Variants in TRMT1L observed in about 807,000 individuals in gnomAD.
TRMT1L encodes the protein tRNA methyltransferase 1L.
Under a neutral mutation model 81.6 loss-of-function variants are expected in TRMT1L, and 28 were observed. That is an observed-to-expected ratio of 0.34 (90% CI 0.25 to 0.47). TRMT1L has a LOEUF of 0.47. Among genes scored for constraint, TRMT1L ranks in the 20% least tolerant of loss-of-function variants. The pLI, the probability that TRMT1L is intolerant of heterozygous loss-of-function variation, is 1.00. For missense variants in TRMT1L, 739 were observed against 877.1 expected (o/e 0.84, Z 1.99); for synonymous variants, 301 against 303.2 (o/e 0.99, Z 0.07).
At chr1:185,147,129 CT>C in intron 4 of TRMT1L, 52 bp downstream of exon 4, 2 of 1,312,250 alleles carry the variant, frequency 1.5e-6, no homozygotes, top group South Asian at 2.6e-5. Flanking sequence ...AAAAATTATG[CT>C]TTCTTTAAAA....
chr1:185,156,152 T>A (rs1292923997), intron 1 of TRMT1L, among the ~76,000 whole-genome samples: 1 of 152,336 alleles, frequency 6.6e-6, no homozygotes, highest in South Asian at 2.1e-4. Context: ...TGCGGGAAAC[T>A]ACCAAATTAT....
At chr1:185,143,309 T>C (rs371886533) in intron 7 of TRMT1L, 48 bp downstream of exon 7, 2 of 1,498,242 alleles carry the variant, frequency 1.3e-6, no homozygotes, top group African/African-American at 1.4e-5. Context: ...AAAAATACTG[T>C]AAAATTGAAT....
At chr1:185,127,969 C>G (rs937440716) in intron 11 of TRMT1L, among the ~76,000 whole-genome samples, 1 of 151,760 alleles carries the variant, frequency 6.6e-6, no homozygotes, top group African/African-American at 2.4e-5. Flanking sequence ...CAAAAATCAG[C>G]CAGGTGTTGT....
chr1:185,134,268 T>A (rs569509443), intron 10 of TRMT1L, among the ~76,000 whole-genome samples: 1 of 152,258 alleles, frequency 6.6e-6, no homozygotes, highest in East Asian at 1.9e-4. Context: ...CTGCAACCTC[T>A]GCCTCCTGGG....
At position 185,127,880 on chromosome 1, in the gene TRMT1L, G is replaced by C. The variant is rs570947382; in HGVS notation, c.1592+789C>G. ...TGTAATCCTAGTACTTTGGGAGGCT[G>C]AGCCAGGCAGATCACCTGAGATCAG... On this transcript the variant is annotated intron_variant, in intron 11 of 14. Transcript: ENST00000367506. 2.6e-5 allele frequency among the ~76,000 whole-genome samples: 4 copies of C among 152,074 alleles called. No homozygotes were observed. The South Asian group carries it at 8.3e-4, about 32-fold the overall frequency.
intron 11 of TRMT1L, among the ~76,000 whole-genome samples, chr1:185,126,434 A>T (rs1183902687): frequency 6.6e-6 from 1 of 152,162 alleles, no homozygotes; most frequent in Non-Finnish European, 1.5e-5. Context: ...TGCTGGGATT[A>T]CAGGCATGAA....
In TRMT1L at chr1:185,140,186, T is replaced by C. The variant is rs1307689602; in HGVS notation, c.896A>G (p.Asn299Ser). 1.2e-6 allele frequency: 2 copies of C among 1,613,616 alleles called. No individual in the cohort carries two copies. The highest frequency in any genetic ancestry group is 2.2e-5 in the East Asian group (1 of 44,786). The change falls in exon 8 of 15, where the codon AAT (asparagine) becomes AGT (serine). Residue 299 changes from asparagine (N) to serine (S), a missense_variant. By Grantham distance (46) the Asn-to-Ser change is conservative. Transcript: ENST00000367506. ...MGLQWAKHLG[N>S]AVKVTINDLN... is the part of the protein sequence containing the mutation. ...GTCATTGATTGTAACTTTGACTGCATTTCCAAGATGTTTTGCCCACTGTAA... is the reference window on the plus strand; with the variant it reads ...GTCATTGATTGTAACTTTGACTGCACTTCCAAGATGTTTTGCCCACTGTAA...
At chr1:185,147,993 C>A (rs1270859113) in intron 3 of TRMT1L, among the ~76,000 whole-genome samples, 1 of 152,156 alleles carries the variant, frequency 6.6e-6, no homozygotes, top group Non-Finnish European at 1.5e-5. Context: ...TAATGCCTTA[C>A]AGTTGCTCTT....
In TRMT1L at chr1:185,128,719, G is replaced by C. The variant is rs1201099038; in HGVS notation, c.1542C>G (p.Asn514Lys). Residue 514 changes from asparagine to lysine, a missense_variant, in exon 11 of 15, where the codon AAC becomes AAG. Transcript: ENST00000367506. ...TCTTTCCAGGCATGCTTCCATGACA[G>C]TTACAAGGCAGCTGTCTATATGGGT... is the stretch of plus-strand genomic sequence containing the variant. ...EENPYRQLPC[N>K]CHGSMPGKTA... is the part of the protein sequence containing the mutation. The C allele has an allele frequency of 6.2e-7, 1 of 1,609,730 alleles. No homozygotes were observed. Among genetic ancestry groups the C allele is most frequent in the East Asian group, 2.2e-5 (1 of 44,592 alleles).
chr1:185,136,386 T>G (rs150999409), intron 10 of TRMT1L, among the ~76,000 whole-genome samples: 32 of 151,946 alleles, frequency 2.1e-4, no homozygotes, highest in African/African-American at 7.5e-4. Flanking sequence ...CCAGCCTGGA[T>G]AGAAGACAGA....
chr1:185,122,652 C>T (rs983141705), intron 13 of TRMT1L, among the ~76,000 whole-genome samples: 33 of 151,018 alleles, frequency 2.2e-4, no homozygotes, highest in Admixed American at 5.3e-4. Flanking sequence ...TATATAACAA[C>T]GCCTGCATAG....
chr1:185,140,316 T>G, intron 7 of TRMT1L, 94 bp from the exon 8 acceptor site: 1 of 1,048,538 alleles, frequency 9.5e-7, no homozygotes, highest in Non-Finnish European at 1.3e-6. Context: ...AAATAACAAA[T>G]TATTTCAAAA....
intron 13 of TRMT1L, 40 bp downstream of exon 13, chr1:185,123,817 C>A (rs1376063240): frequency 7.8e-7 from 1 of 1,275,548 alleles, no homozygotes; most frequent in Non-Finnish European, 1.1e-6. Flanking sequence ...GCCTTTTTGA[C>A]CTGATATGTA....
chr1:185,145,441 G>C lies in TRMT1L; in HGVS notation c.653C>G (p.Ala218Gly). Reference sequence around the variant, plus strand: ...GTTAATGAGATTGCTCAACTTACCTGCAATATAACTAGATTTAGTCTCTCC... The same window carrying C: ...GTTAATGAGATTGCTCAACTTACCTCCAATATAACTAGATTTAGTCTCTCC... ...NKGETKSSYI[A>G]ASTAKPPKEI... Residue 218 changes from alanine (A) to glycine (G), a missense_variant and splice_region_variant, in exon 5 of 15, where the codon GCA (alanine) becomes GGA (glycine). Coordinates refer to ENST00000367506, the MANE Select transcript of TRMT1L (RefSeq NM_030934.5). 1 of 1,608,366 alleles carries C rather than the reference G, an allele frequency of 6.2e-7. No homozygotes were observed. Among genetic ancestry groups the C allele is most frequent in the Non-Finnish European group, 8.5e-7 (1 of 1,176,200 alleles).
At chr1:185,153,547 G>A (rs1653418054) in intron 1 of TRMT1L, among the ~76,000 whole-genome samples, 1 of 152,142 alleles carries the variant, frequency 6.6e-6, no homozygotes, top group Admixed American at 6.5e-5. Context: ...AACAGGTTCA[G>A]GGAGGTGTTT....
intron 10 of TRMT1L, among the ~76,000 whole-genome samples, chr1:185,132,133 T>TC (rs1475717484): frequency 6.6e-6 from 1 of 151,518 alleles, no homozygotes; most frequent in Non-Finnish European, 1.5e-5. Context: ...ACAGCAAGAC[T>TC]CCATCTTAAA....
rs781576626 is a variant in TRMT1L at position 185,151,804 on chromosome 1, A to AG, written c.346+20_346+21insC. The AG allele has an allele frequency of 2.6e-6, 4 of 1,514,500 alleles. No individual in the cohort carries two copies. In the East Asian group the frequency reaches 7.0e-5, roughly 26 times the overall value. 93.8% of individuals were successfully genotyped at this position (1,514,500 alleles called of 1,614,324 possible). ...AATTATTAGAAACTAAGAAAAAAAA[A>AG]AAACCCAAACATGGAAATACCTGCA... is the stretch of plus-strand genomic sequence containing the variant. On this transcript the variant is annotated intron_variant, in intron 2 of 14. Coordinates refer to ENST00000367506, the MANE Select transcript of TRMT1L (RefSeq NM_030934.5).
At chr1:185,147,781 A>G (rs1402892349) in intron 3 of TRMT1L, among the ~76,000 whole-genome samples, 4 of 152,160 alleles carry the variant, frequency 2.6e-5, no homozygotes, top group Non-Finnish European at 5.9e-5. Flanking sequence ...TTCCTTGGCA[A>G]CTTAGCTCCT....
Position 185,119,180 on chromosome 1 carries a change from T to C in TRMT1L, c.*839A>G, listed in dbSNP as rs376236329. 2.6e-5 allele frequency: 4 copies of C among 151,884 alleles called. No homozygotes were observed. The highest frequency in any genetic ancestry group is 9.7e-5 in the African/African-American group (4 of 41,346). The allele number at this position is 151,884 out of a possible 1,614,324, so 9.4% of individuals were successfully genotyped here. ...AAACAACCCCCAAACCCAAAAACTC[T>C]CATTCCATAAGGTGACAAATTTTAC... On this transcript the variant is annotated 3_prime_UTR_variant, in exon 15 of 15. Transcript: ENST00000367506.
Sources: gnomAD v4.1 joint callset for allele counts (sites outside exome capture counted in the v4.1 genomes callset) on GRCh38, gnomAD v4.1.1 for gene constraint, MANE v1.5 for transcripts, NCBI Gene and HGNC (gene_info 2026-07-23, HGNC 2026-07-21) for gene names.